The following ADAMTS7 variants were observed in gnomAD, a reference collection of about 807,000 sequenced individuals.
The protein encoded by ADAMTS7 is ADAM metallopeptidase with thrombospondin type 1 motif 7.
ADAMTS7 carries 89 observed loss-of-function variants against 172.6 expected under a neutral mutation model. The ratio of observed to expected loss-of-function variants is 0.52; its 90% confidence interval spans 0.43 to 0.61. The LOEUF is 0.61. Ranked by LOEUF, ADAMTS7 falls within the 20% of genes least tolerant of loss-of-function variation. The pLI is 0.00. For synonymous variants in ADAMTS7, 885 were observed against 978.4 expected (o/e 0.90, Z 1.78); for missense variants, 1,973 against 2,355.6 (o/e 0.84, Z 3.36).
rs929263130 is a variant in ADAMTS7, at chr15:78,763,617, T to G, written c.4740+82A>C. The G allele has an allele frequency of 3.2e-5, 47 of 1,460,992 alleles. No homozygotes were observed. The African/African-American group carries it at 6.1e-4, about 19-fold the overall frequency. 90.5% of individuals were successfully genotyped at this position (1,460,992 alleles called of 1,614,324 possible). On this transcript the variant is annotated intron_variant, in intron 22 of 23. Transcript: ENST00000388820. ...AAAGAGCCTGGCTCACAGCACACAC[T>G]CCACAGCTCCTTCACCCAACCCAAG...
chr15:78,796,528 C>T (rs2055645308), intron 4 of ADAMTS7, 62 bp downstream of exon 4: 32 of 1,555,288 alleles, frequency 2.1e-5, no homozygotes, highest in Non-Finnish European at 2.4e-5. Context: ...CCTGCACCCA[C>T]TCTTTGCACC....
At chr15:78,760,361 A>G (rs1450293698) in intron 23 of ADAMTS7, among the ~76,000 whole-genome samples, 17 of 152,094 alleles carry the variant, frequency 1.1e-4, no homozygotes, top group Middle Eastern at 6.8e-3. Context: ...CCCAGCTGCC[A>G]CCCGGGCCCT....
Position 78,811,133 on chromosome 15 carries a change from CG to C in ADAMTS7, c.87del (p.Gly30AspfsTer66), listed in dbSNP as rs1192628247. On this transcript the variant is annotated frameshift_variant, in exon 1 of 24. Coordinates refer to ENST00000388820, the MANE Select transcript of ADAMTS7 (RefSeq NM_014272.5). LOFTEE classifies it high-confidence loss of function. The stretch of plus-strand genomic sequence containing the variant: ...GGCGGACACCCACCTGGTGCGGGTC[CG>C]GGGGCGCCGGGAGCCAGAGCGCAGA... ...LLLCALAPGA[P>X]GPAPGRATEG... 1 of 1,228,768 alleles carries C rather than the reference CG, an allele frequency of 8.1e-7. No individual in the cohort carries two copies. Among genetic ancestry groups the C allele is most frequent in the East Asian group, 3.2e-5 (1 of 31,476 alleles). 76.1% of individuals were successfully genotyped at this position (1,228,768 alleles called of 1,614,324 possible). A position where few individuals can be genotyped will look rare whatever the true frequency, so the allele number is the denominator to read the frequency against.
chr15:78,761,003 C>T (rs2055035056), intron 23 of ADAMTS7, among the ~76,000 whole-genome samples: 1 of 152,284 alleles, frequency 6.6e-6, no homozygotes, highest in Non-Finnish European at 1.5e-5. Context: ...CTCCCTGTGG[C>T]CAGCCCTAGC....
chr15:78,809,357 A>G (rs2055836099), intron 1 of ADAMTS7, among the ~76,000 whole-genome samples: 1 of 152,114 alleles, frequency 6.6e-6, no homozygotes, highest in African/African-American at 2.4e-5. Flanking sequence ...AGAGTCACCA[A>G]TCCTGAGGGA....
intron 23 of ADAMTS7, 87 bp from the exon 24 acceptor site, chr15:78,759,665 T>A: frequency 7.3e-7 from 1 of 1,373,820 alleles, no homozygotes; most frequent in Non-Finnish European, 9.5e-7. Context: ...TTAAGGAGGC[T>A]CCAGCAGCTC....
chr15:78,806,757 T>C (rs1358225681), intron 1 of ADAMTS7, among the ~76,000 whole-genome samples: 1 of 152,088 alleles, frequency 6.6e-6, no homozygotes, highest in Non-Finnish European at 1.5e-5. Context: ...TGTTTTTGTT[T>C]TGTTTTGTTT....
At chr15:78,807,999 C>G (rs2055818489) in intron 1 of ADAMTS7, among the ~76,000 whole-genome samples, 1 of 151,752 alleles carries the variant, frequency 6.6e-6, no homozygotes, top group Admixed American at 6.6e-5. Context: ...GGACTACAGG[C>G]GTGGACTACC....
At chr15:78,772,524 C>T (rs1260753739) in intron 14 of ADAMTS7, among the ~76,000 whole-genome samples, 2 of 152,194 alleles carry the variant, frequency 1.3e-5, no homozygotes, top group African/African-American at 4.8e-5. Context: ...TTTGGAATGC[C>T]CTTTCCATCT....
intron 1 of ADAMTS7, among the ~76,000 whole-genome samples, chr15:78,809,692 A>C (rs1361032894): frequency 2.6e-5 from 4 of 152,182 alleles, no homozygotes; most frequent in Admixed American, 6.5e-5. Flanking sequence ...GTCCTGAGGG[A>C]AGCATTTTCC....
At chr15:78,801,060 C>T (rs1334223865) in intron 1 of ADAMTS7, among the ~76,000 whole-genome samples, 1 of 152,200 alleles carries the variant, frequency 6.6e-6, no homozygotes, top group African/African-American at 2.4e-5. Context: ...GCGGTAACTT[C>T]TTAACAGGTC....
intron 3 of ADAMTS7, among the ~76,000 whole-genome samples, chr15:78,797,304 G>A (rs1475023594): frequency 1.3e-5 from 2 of 152,238 alleles, no homozygotes; most frequent in African/African-American, 4.8e-5. Context: ...GCACATCTAT[G>A]AAGCTGAGGA....
At chr15:78,778,297 C>A (rs892582368) in intron 8 of ADAMTS7, among the ~76,000 whole-genome samples, 1 of 152,260 alleles carries the variant, frequency 6.6e-6, no homozygotes, top group Admixed American at 6.5e-5. Flanking sequence ...TCAGACACAA[C>A]ACCATGAGGC....
At chr15:78,806,794 T>C (rs1275166041) in intron 1 of ADAMTS7, among the ~76,000 whole-genome samples, 1 of 152,082 alleles carries the variant, frequency 6.6e-6, no homozygotes, top group African/African-American at 2.4e-5. Context: ...GAGAGAGAGT[T>C]TCGTTCTTGT....
rs531448111 is a variant in ADAMTS7, at chr15:78,810,934, G to A, written c.100+187C>T. On this transcript the variant is annotated intron_variant, in intron 1 of 23. Coordinates refer to ENST00000388820, the MANE Select transcript of ADAMTS7 (RefSeq NM_014272.5). ...GCCGAGGAAGTTTCCCCAGAAGCGCGGCTTCGCTCCCGGCCCGGCCCGACC... is the reference window on the plus strand; with the variant it reads ...GCCGAGGAAGTTTCCCCAGAAGCGCAGCTTCGCTCCCGGCCCGGCCCGACC... 7.1e-6 allele frequency: 4 copies of A among 563,288 alleles called. No homozygotes were observed. The Admixed American group carries it at 1.8e-4, about 25-fold the overall frequency. The allele number at this position is 563,288 out of a possible 1,614,324, so 34.9% of individuals were successfully genotyped here.
chr15:78,789,937 G>A lies in ADAMTS7; in HGVS notation c.1029-99C>T, dbSNP rs544501013. On this transcript the variant is annotated intron_variant, in intron 6 of 23. Transcript: ENST00000388820. ...GGGTCCCCCCGAATTGATCCCAAGC[G>A]AAAAGGATGTCTCTCCCACCGTTCT... 6.3e-5 allele frequency: 91 copies of A among 1,449,970 alleles called. No individual in the cohort carries two copies. In the African/African-American group the frequency reaches 1.0e-3, roughly 17 times the overall value. 89.8% of individuals were successfully genotyped at this position (1,449,970 alleles called of 1,614,324 possible).
At chr15:78,762,276 C>T (rs1348065671) in intron 23 of ADAMTS7, 127 bp downstream of exon 23, 1 of 1,182,124 alleles carries the variant, frequency 8.5e-7, no homozygotes, top group Non-Finnish European at 1.1e-6. Flanking sequence ...GGCCATGTGG[C>T]TCCTGAGCCC....
chr15:78,801,336 T>G (rs2055722858), intron 1 of ADAMTS7, among the ~76,000 whole-genome samples: 1 of 152,192 alleles, frequency 6.6e-6, no homozygotes, highest in Non-Finnish European at 1.5e-5. Flanking sequence ...CTCCACCCAC[T>G]GGCCTCCTTG....
In ADAMTS7 at chr15:78,768,220, G is replaced by C; in HGVS notation, c.2558C>G (p.Ala853Gly). Residue 853 changes from alanine to glycine, a missense_variant, in exon 17 of 24, where the codon GCA becomes GGA. Ala to Gly is a moderately conservative substitution (Grantham distance 60). Around this residue, in one of 8 missense-constraint regions of ADAMTS7, gnomAD observed 771 missense variants for 952.6 expected, o/e 0.81. Transcript: ENST00000388820. ...ACAGTGCTCCTCGTCCACGGGCCCT[G>C]CCTGCCGCTCCAAGCAGTACACATT... is the stretch of plus-strand genomic sequence containing the variant. ...RQNVYCLERQ[A>G]GPVDEEHCDP... 1.9e-6 allele frequency: 3 copies of C among 1,610,610 alleles called. No homozygotes were observed. Among genetic ancestry groups the C allele is most frequent in the Non-Finnish European group, 1.7e-6 (2 of 1,179,616 alleles).
Sources: gnomAD v4.1 joint callset for allele counts (sites outside exome capture counted in the v4.1 genomes callset) on GRCh38, gnomAD v4.1.1 for gene constraint, gnomAD v4.1.1 regional missense constraint, MANE v1.5 for transcripts, NCBI Gene and HGNC (gene_info 2026-07-23, HGNC 2026-07-21) for gene names.